The following GABRB2 variants were observed in gnomAD, a reference collection of about 807,000 sequenced individuals.
GABRB2 encodes gamma-aminobutyric acid receptor subunit beta-2.
GABRB2 carries 16 observed loss-of-function variants against 54.7 expected under a neutral mutation model. The ratio of observed to expected loss-of-function variants is 0.29; its 90% CI spans 0.20 to 0.44. GABRB2 has a LOEUF of 0.44. Among genes scored for constraint, GABRB2 ranks in the 20% least tolerant of loss-of-function variants. The pLI, the probability that GABRB2 is intolerant of heterozygous loss-of-function variation, is 1.00. For synonymous variants in GABRB2, 244 were observed against 233.8 expected (o/e 1.04, Z -0.40); for missense variants, 355 against 644.0 (o/e 0.55, Z 4.86).
intron 4 of GABRB2, among the ~76,000 whole-genome samples, chr5:161,442,218 C>A (rs1176660563): frequency 4.0e-5 from 6 of 151,894 alleles, no homozygotes; most frequent in Non-Finnish European, 8.8e-5. Flanking sequence ...CCCATAAATA[C>A]AAATACCTAC....
chr5:161,508,019 G>A (rs892997471), intron 3 of GABRB2, among the ~76,000 whole-genome samples: 1 of 151,802 alleles, frequency 6.6e-6, no homozygotes. Flanking sequence ...AAGAGGAATG[G>A]AAACATATGT....
intron 5 of GABRB2, among the ~76,000 whole-genome samples, chr5:161,403,689 G>A (rs1756270411): frequency 6.6e-6 from 1 of 152,098 alleles, no homozygotes; most frequent in Non-Finnish European, 1.5e-5. Context: ...ATGAGAACAA[G>A]TGACTATGGA....
chr5:161,315,429 G>T (rs1458003799), intron 9 of GABRB2, among the ~76,000 whole-genome samples: 1 of 152,074 alleles, frequency 6.6e-6, no homozygotes, highest in African/African-American at 2.4e-5. Flanking sequence ...TTTCATCAAT[G>T]ACTTCCTAGG....
chr5:161,429,840 T>C (rs1757124942), intron 4 of GABRB2, among the ~76,000 whole-genome samples: 1 of 152,052 alleles, frequency 6.6e-6, no homozygotes, highest in Non-Finnish European at 1.5e-5. Context: ...CAAAAGGGAA[T>C]GGTGGGGAAT....
chr5:161,538,347 T>C (rs771333036), intron 3 of GABRB2, among the ~76,000 whole-genome samples: 7 of 152,088 alleles, frequency 4.6e-5, no homozygotes, highest in Non-Finnish European at 8.8e-5. Context: ...AATAAATACG[T>C]AAAATATAAA....
chr5:161,528,058 G>A (rs1760336844), intron 3 of GABRB2, among the ~76,000 whole-genome samples: 1 of 151,658 alleles, frequency 6.6e-6, no homozygotes, highest in Non-Finnish European at 1.5e-5. Context: ...TGATCATAAT[G>A]TCCATGAACA....
intron 4 of GABRB2, among the ~76,000 whole-genome samples, chr5:161,426,364 G>C (rs956001843): frequency 6.6e-6 from 1 of 152,072 alleles, no homozygotes; most frequent in Admixed American, 6.6e-5. Context: ...TAATTACTTA[G>C]AGGAGTTCTA....
At chr5:161,456,511 T>G (rs1310158343) in intron 4 of GABRB2, among the ~76,000 whole-genome samples, 1 of 152,230 alleles carries the variant, frequency 6.6e-6, no homozygotes, top group South Asian at 2.1e-4. Flanking sequence ...TATTCTTTAT[T>G]TCCATCTTGC....
At chr5:161,537,279 T>C (rs2113468380) in intron 3 of GABRB2, among the ~76,000 whole-genome samples, 1 of 152,348 alleles carries the variant, frequency 6.6e-6, no homozygotes, top group South Asian at 2.1e-4. Context: ...TTCACAAAGT[T>C]AGAAGCACCA....
intron 4 of GABRB2, among the ~76,000 whole-genome samples, chr5:161,432,022 T>C (rs1249967826): frequency 6.6e-6 from 1 of 152,178 alleles, no homozygotes; most frequent in Non-Finnish European, 1.5e-5. Flanking sequence ...GAATACAATG[T>C]ATAGGACAAA....
chr5:161,406,319 A>T (rs1176750772), intron 5 of GABRB2, among the ~76,000 whole-genome samples: 1 of 152,052 alleles, frequency 6.6e-6, no homozygotes, highest in African/African-American at 2.4e-5. Context: ...TGGCTAAAAC[A>T]TTCTATGAGG....
chr5:161,404,802 C>T (rs933685448), intron 5 of GABRB2, among the ~76,000 whole-genome samples: 19 of 152,116 alleles, frequency 1.2e-4, no homozygotes, highest in Admixed American at 1.2e-3. Context: ...ATGGGATCTG[C>T]ATCTTCACAT....
At chr5:161,323,270 A>C (rs1016174676) in intron 9 of GABRB2, among the ~76,000 whole-genome samples, 1 of 152,058 alleles carries the variant, frequency 6.6e-6, no homozygotes, top group Non-Finnish European at 1.5e-5. Context: ...TGATCCGCCC[A>C]TCTCAGCCTC....
chr5:161,500,737 C>A (rs1298287900), intron 3 of GABRB2, among the ~76,000 whole-genome samples: 1 of 152,080 alleles, frequency 6.6e-6, no homozygotes, highest in Non-Finnish European at 1.5e-5. Flanking sequence ...GATTTTATGC[C>A]ACTGAAAGAT....
At chr5:161,493,264 T>A (rs954188871) in intron 3 of GABRB2, among the ~76,000 whole-genome samples, 1 of 151,724 alleles carries the variant, frequency 6.6e-6, no homozygotes, top group African/African-American at 2.4e-5. Flanking sequence ...CCTCTTCTCA[T>A]TTTTCCATTT....
intron 3 of GABRB2, among the ~76,000 whole-genome samples, chr5:161,542,235 C>T (rs1387061995): frequency 6.6e-6 from 1 of 152,022 alleles, no homozygotes; most frequent in Non-Finnish European, 1.5e-5. Flanking sequence ...AATAATGAAA[C>T]AATTTGAAAT....
chr5:161,487,006 C>A (rs1261088497), intron 3 of GABRB2, among the ~76,000 whole-genome samples: 1 of 151,876 alleles, frequency 6.6e-6, no homozygotes, highest in Admixed American at 6.6e-5. Flanking sequence ...AGTTCCTAGG[C>A]AAATTTCAAG....
chr5:161,326,337 A>G (rs566290514), intron 9 of GABRB2, 31 bp downstream of exon 9: 3 of 1,608,000 alleles, frequency 1.9e-6, no homozygotes, highest in Admixed American at 1.7e-5. Flanking sequence ...ACAGAAATAC[A>G]AATAAATGGA....
chr5:161,546,881 A>G, upstream of GABRB2: 2 of 767,018 alleles, frequency 2.6e-6, no homozygotes, highest in South Asian at 5.8e-5. Flanking sequence ...ATAATATAGA[A>G]AAGTCACCCC....
Sources: gnomAD v4.1 joint callset for allele counts (sites outside exome capture counted in the v4.1 genomes callset) on GRCh38, gnomAD v4.1.1 for gene constraint, MANE v1.5 for transcripts, NCBI Gene and HGNC (gene_info 2026-07-23, HGNC 2026-07-21) for gene names.